GRID1: variants seen among roughly 807,000 people sequenced by gnomAD.
GRID1 encodes glutamate ionotropic receptor delta type subunit 1, also known as glutamate receptor ionotropic, delta-1.
In GRID1, 28 loss-of-function variants were observed where a neutral mutation model predicts 98.0. That is an observed-to-expected ratio of 0.29 (90% CI 0.21 to 0.39). GRID1 has a LOEUF of 0.39. Ranked by LOEUF, GRID1 falls within the 10% of genes least tolerant of loss-of-function variation. The pLI is 1.00. For synonymous variants in GRID1, 553 were observed against 538.5 expected (o/e 1.03, Z -0.37); for missense variants, 1,111 against 1,340.5 (o/e 0.83, Z 2.67).
chr10:85,741,286 T>G (rs888119912), intron 8 of GRID1, among the ~76,000 whole-genome samples: 1 of 152,154 alleles, frequency 6.6e-6, no homozygotes, highest in Admixed American at 6.6e-5. Flanking sequence ...AGTTCCTGGG[T>G]TGGATTTTGT....
intron 8 of GRID1, among the ~76,000 whole-genome samples, chr10:85,804,036 A>C (rs1027501330): frequency 1.3e-5 from 2 of 151,890 alleles, no homozygotes; most frequent in African/African-American, 4.8e-5. Context: ...ATGGAACACT[A>C]AATAGGGGAT....
chr10:86,250,600 TG>T (rs1011920920), intron 2 of GRID1, among the ~76,000 whole-genome samples: 5 of 136,756 alleles, frequency 3.7e-5, no homozygotes, highest in African/African-American at 7.4e-5. Context: ...GTCTGGGAGG[TG>T]GGGGGCAGCC....
Position 85,601,975 on chromosome 10 carries a change from T to G in GRID1, c.*298A>C. Reference sequence around the variant, plus strand: ...AAGGCCCAGGAATGGGGGGGCTCCTTTGGCACTTCAGAATGATCACAAGTA... The same window carrying G: ...AAGGCCCAGGAATGGGGGGGCTCCTGTGGCACTTCAGAATGATCACAAGTA... On this transcript the variant is annotated 3_prime_UTR_variant, in exon 16 of 16. Transcript: ENST00000327946. 7 of 287,762 alleles carry G rather than the reference T, an allele frequency of 2.4e-5. No individual in the cohort carries two copies. Among genetic ancestry groups the G allele is most frequent in the East Asian group, 5.8e-5 (1 of 17,120 alleles). The allele number at this position is 287,762 out of a possible 1,614,324, so 17.8% of individuals were successfully genotyped here.
intron 4 of GRID1, among the ~76,000 whole-genome samples, chr10:86,032,154 C>T (rs1170577937): frequency 6.6e-6 from 1 of 152,228 alleles, no homozygotes; most frequent in Non-Finnish European, 1.5e-5. Flanking sequence ...CCATCTCTCT[C>T]TGAATGGCAT....
At chr10:86,065,339 G>A (rs1843705241) in intron 4 of GRID1, among the ~76,000 whole-genome samples, 1 of 152,196 alleles carries the variant, frequency 6.6e-6, no homozygotes. Context: ...TATGATACCT[G>A]CCCCTCTGAG....
chr10:86,089,708 C>A (rs1355543755), intron 4 of GRID1, among the ~76,000 whole-genome samples: 3 of 151,644 alleles, frequency 2.0e-5, no homozygotes, highest in Admixed American at 1.3e-4. Context: ...AAAATCTCAG[C>A]AAGGAAATAC....
At chr10:85,838,239 C>T (rs1842928686) in intron 8 of GRID1, among the ~76,000 whole-genome samples, 1 of 152,158 alleles carries the variant, frequency 6.6e-6, no homozygotes, top group African/African-American at 2.4e-5. Context: ...AAATATATTC[C>T]AGGATATCAT....
intron 13 of GRID1, among the ~76,000 whole-genome samples, chr10:85,645,089 C>T (rs1843168830): frequency 6.6e-6 from 1 of 151,978 alleles, no homozygotes; most frequent in African/African-American, 2.4e-5. Context: ...TGTGACCTAC[C>T]TTTCTATTTT....
At chr10:85,744,189 AAG>A (rs1841976226) in intron 8 of GRID1, among the ~76,000 whole-genome samples, 1 of 152,106 alleles carries the variant, frequency 6.6e-6, no homozygotes. Flanking sequence ...AGAAAGACAA[AAG>A]ACCTTCTATA....
intron 4 of GRID1, among the ~76,000 whole-genome samples, chr10:86,020,810 T>C (rs1034860764): frequency 6.6e-6 from 1 of 152,186 alleles, no homozygotes; most frequent in Non-Finnish European, 1.5e-5. Flanking sequence ...ATCTTCCTGG[T>C]TCCTTGTGGG....
At chr10:85,861,835 ATGAGGACTCAATTGAG>A (rs1305022736) in intron 6 of GRID1, among the ~76,000 whole-genome samples, 4 of 152,320 alleles carry the variant, frequency 2.6e-5, no homozygotes, top group Non-Finnish European at 5.9e-5. Flanking sequence ...AAGCTTCCAG[ATGAGGACTCAATTGAG>A]TGAGGACTCA....
chr10:85,810,914 C>A (rs540396558), intron 8 of GRID1, among the ~76,000 whole-genome samples: 38 of 152,142 alleles, frequency 2.5e-4, no homozygotes, highest in African/African-American at 8.7e-4. Flanking sequence ...TGAGCCAGTC[C>A]CCAAGCCAGC....
At chr10:86,159,670 C>G (rs1277149765) in intron 3 of GRID1, among the ~76,000 whole-genome samples, 1 of 152,202 alleles carries the variant, frequency 6.6e-6, no homozygotes, top group Non-Finnish European at 1.5e-5. Flanking sequence ...GACACAGCTT[C>G]GCTCAGCATG....
chr10:86,348,724 C>A (rs1030040627), intron 2 of GRID1, among the ~76,000 whole-genome samples: 1 of 152,244 alleles, frequency 6.6e-6, no homozygotes, highest in African/African-American at 2.4e-5. Flanking sequence ...ACATGCATGC[C>A]CCTGCTGGCT....
At chr10:85,640,780 T>C (rs1287098833) in intron 13 of GRID1, among the ~76,000 whole-genome samples, 1 of 152,210 alleles carries the variant, frequency 6.6e-6, no homozygotes, top group East Asian at 1.9e-4. Context: ...ATGTTGGTGC[T>C]AAGAGGTGAT....
intron 2 of GRID1, among the ~76,000 whole-genome samples, chr10:86,296,682 C>T (rs74724417): frequency 4.2e-4 from 64 of 152,036 alleles, no homozygotes; most frequent in African/African-American, 1.4e-3. Context: ...GATGTTGCAG[C>T]GAATCAAGAT....
intron 2 of GRID1, among the ~76,000 whole-genome samples, chr10:86,220,187 A>G (rs1846232759): frequency 6.6e-6 from 1 of 152,110 alleles, no homozygotes; most frequent in African/African-American, 2.4e-5. Flanking sequence ...TGCTAAACAC[A>G]CTCCTTCTTG....
At chr10:85,925,417 G>A (rs953702567) in intron 4 of GRID1, among the ~76,000 whole-genome samples, 4 of 152,154 alleles carry the variant, frequency 2.6e-5, no homozygotes, top group Non-Finnish European at 4.4e-5. Flanking sequence ...CTGGTTTGGC[G>A]GGGGCAGCCA....
chr10:86,152,685 G>A (rs945271506), intron 3 of GRID1, among the ~76,000 whole-genome samples: 7 of 152,184 alleles, frequency 4.6e-5, no homozygotes, highest in African/African-American at 1.7e-4. Context: ...CTCTAAATTG[G>A]GCAGAGTGAG....
Sources: gnomAD v4.1 joint callset for allele counts (sites outside exome capture counted in the v4.1 genomes callset) on GRCh38, gnomAD v4.1.1 for gene constraint, MANE v1.5 for transcripts, NCBI Gene and HGNC (gene_info 2026-07-23, HGNC 2026-07-21) for gene names.